CSMD1: variants seen among roughly 807,000 people sequenced by gnomAD.
The protein encoded by CSMD1 is CUB and sushi domain-containing protein 1.
Under a neutral mutation model 417.5 loss-of-function variants are expected in CSMD1, and 213 were observed. The observed-to-expected ratio is 0.51, with a 90% confidence interval of 0.46 to 0.57. The LOEUF is 0.57. Among genes scored for constraint, CSMD1 ranks in the 20% least tolerant of loss-of-function variants. The probability of loss-of-function intolerance (pLI) is 0.00; values close to 1 mark genes in which losing one functional copy is unlikely to be tolerated. For synonymous variants in CSMD1, 2,862 were observed against 1,736.8 expected (o/e 1.65, Z -16.11); for missense variants, 6,923 against 4,529.7 (o/e 1.53, Z -15.17).
At chr8:4,336,897 C>A (rs1045318484) in intron 3 of CSMD1, among the ~76,000 whole-genome samples, 2 of 152,088 alleles carry the variant, frequency 1.3e-5, no homozygotes, top group African/African-American at 4.8e-5. Flanking sequence ...ATGGGATTGC[C>A]TAATTTCCAT....
In CSMD1 at chr8:4,311,474, G is replaced by C. The variant is rs776396509; in HGVS notation, c.415+108479C>G. On this transcript the variant is annotated intron_variant, in intron 3 of 69. Coordinates refer to ENST00000635120, the MANE Select transcript of CSMD1 (RefSeq NM_033225.6). ...ATCGTGGCTCACAGCTGTAATCCCA[G>C]CATTTCAGAAGGCCAAGTTGGGCAG... Among the ~76,000 whole-genome samples, 47 of 152,136 alleles carry C rather than the reference G, an allele frequency of 3.1e-4. 1 individual carries two copies. Among genetic ancestry groups the C allele is most frequent in the Admixed American group, 3.1e-3 (47 of 15,260 alleles).
chr8:4,119,464 C>G (rs899245661), intron 3 of CSMD1, among the ~76,000 whole-genome samples: 14 of 152,088 alleles, frequency 9.2e-5, no homozygotes, highest in Non-Finnish European at 1.9e-4. Context: ...CTGTGTCAGC[C>G]CGAAAACCCA....
At chr8:4,698,237 TA>T (rs1258395876) in intron 1 of CSMD1, among the ~76,000 whole-genome samples, 7 of 152,032 alleles carry the variant, frequency 4.6e-5, no homozygotes, top group African/African-American at 1.7e-4. Flanking sequence ...TCTTCATCAG[TA>T]TTAAACATTT....
At chr8:4,434,725 C>T (rs563649924) in intron 2 of CSMD1, among the ~76,000 whole-genome samples, 4 of 152,270 alleles carry the variant, frequency 2.6e-5, no homozygotes, top group South Asian at 2.1e-4. Flanking sequence ...TGACAGTGCT[C>T]ATCCGGTGAT....
At chr8:4,987,829 C>G (rs1811261117) in intron 1 of CSMD1, among the ~76,000 whole-genome samples, 1 of 152,168 alleles carries the variant, frequency 6.6e-6, no homozygotes, top group Admixed American at 6.5e-5. Flanking sequence ...CATCTTTCTC[C>G]TGTGCTGGAT....
At chr8:4,582,266 G>A (rs898250436) in intron 2 of CSMD1, among the ~76,000 whole-genome samples, 2 of 152,060 alleles carry the variant, frequency 1.3e-5, no homozygotes, top group African/African-American at 2.4e-5. Context: ...AAATGGTCCC[G>A]GACATGATCT....
intron 63 of CSMD1, 93 bp from the exon 64 acceptor site, chr8:2,955,861 G>T (rs1802966380): frequency 9.2e-7 from 1 of 1,088,146 alleles, no homozygotes; most frequent in Non-Finnish European, 1.3e-6. Flanking sequence ...GTTTGGAAAT[G>T]GTTATGCAGT....
At chr8:4,934,937 T>C (rs1485099405) in intron 1 of CSMD1, among the ~76,000 whole-genome samples, 1 of 152,194 alleles carries the variant, frequency 6.6e-6, no homozygotes, top group Non-Finnish European at 1.5e-5. Context: ...CCATCAATCA[T>C]CTATTTAAAT....
intron 26 of CSMD1, among the ~76,000 whole-genome samples, chr8:3,262,536 A>C (rs1001184714): frequency 7.3e-5 from 11 of 151,678 alleles, no homozygotes; most frequent in African/African-American, 9.7e-5. Context: ...CTTCGGGCCA[A>C]ATGAAAAAAA....
intron 2 of CSMD1, among the ~76,000 whole-genome samples, chr8:4,609,528 GCTTT>G (rs1801056875): frequency 1.3e-5 from 2 of 152,264 alleles, no homozygotes; most frequent in African/African-American, 4.8e-5. Context: ...ACAACACTAT[GCTTT>G]CTTTATTGTA....
At chr8:3,521,104 TC>T (rs1347447532) in intron 10 of CSMD1, among the ~76,000 whole-genome samples, 1 of 152,094 alleles carries the variant, frequency 6.6e-6, no homozygotes, top group Non-Finnish European at 1.5e-5. Flanking sequence ...CTAAAAGTCT[TC>T]CCACTTTCTA....
intron 49 of CSMD1, among the ~76,000 whole-genome samples, chr8:3,059,337 T>C (rs1426127548): frequency 6.9e-6 from 1 of 144,166 alleles, no homozygotes; most frequent in Non-Finnish European, 1.5e-5. Context: ...AGGTGATCCT[T>C]GCACTCCCTT....
At chr8:4,670,381 C>G (rs1365247926) in intron 1 of CSMD1, among the ~76,000 whole-genome samples, 1 of 152,046 alleles carries the variant, frequency 6.6e-6, no homozygotes, top group Non-Finnish European at 1.5e-5. Context: ...AATACATGTT[C>G]TCCTAATAAG....
At chr8:3,804,055 T>G (rs1350013315) in intron 5 of CSMD1, among the ~76,000 whole-genome samples, 1 of 152,076 alleles carries the variant, frequency 6.6e-6, no homozygotes, top group African/African-American at 2.4e-5. Context: ...AGCCTCTGAG[T>G]AGCTGCGATT....
At chr8:3,787,534 T>G (rs1799511580) in intron 5 of CSMD1, among the ~76,000 whole-genome samples, 1 of 152,186 alleles carries the variant, frequency 6.6e-6, no homozygotes, top group Non-Finnish European at 1.5e-5. Flanking sequence ...AAGAAAATAT[T>G]CATATCCATG....
chr8:3,102,118 C>G (rs543756343), intron 46 of CSMD1, among the ~76,000 whole-genome samples: 1 of 152,146 alleles, frequency 6.6e-6, no homozygotes, highest in African/African-American at 2.4e-5. Flanking sequence ...GTGGTTATGA[C>G]ATTTGAAGAA....
chr8:4,763,263 C>A (rs533604429), intron 1 of CSMD1, among the ~76,000 whole-genome samples: 1 of 152,132 alleles, frequency 6.6e-6, no homozygotes, highest in African/African-American at 2.4e-5. Flanking sequence ...GAAGAACAGT[C>A]CTTCGTGAAT....
At chr8:3,645,065 A>G (rs576394754) in intron 7 of CSMD1, among the ~76,000 whole-genome samples, 123 of 151,406 alleles carry the variant, frequency 8.1e-4, no homozygotes, top group African/African-American at 3.0e-3. Context: ...AAGATCCAGC[A>G]GCCTTCTTAC....
chr8:3,559,348 A>G (rs910176227), intron 10 of CSMD1, among the ~76,000 whole-genome samples: 1 of 152,226 alleles, frequency 6.6e-6, no homozygotes, highest in East Asian at 1.9e-4. Context: ...GTCTGAACAG[A>G]GGTTTAAAGG....
Sources: allele counts gnomAD v4.1 joint callset (sites outside exome capture counted in the v4.1 genomes callset), GRCh38; gene constraint gnomAD v4.1.1; transcripts MANE v1.5; gene names NCBI Gene and HGNC (gene_info 2026-07-23, HGNC 2026-07-21).